PTPRT: variants seen among roughly 807,000 people sequenced by gnomAD.
PTPRT encodes receptor-type tyrosine-protein phosphatase T.
In PTPRT, 56 loss-of-function variants were observed where a neutral mutation model predicts 176.8. The observed-to-expected ratio is 0.32, with a 90% CI of 0.26 to 0.40. The LOEUF (loss-of-function observed/expected upper bound fraction) is 0.40, where lower values mean the gene tolerates loss of function less well. PTPRT is among the 10% of genes least tolerant of loss of function. The pLI, the probability that PTPRT is intolerant of heterozygous loss-of-function variation, is 1.00. For synonymous variants in PTPRT, 783 were observed against 739.0 expected (o/e 1.06, Z -0.96); for missense variants, 1,540 against 1,908.2 (o/e 0.81, Z 3.60).
At chr20:42,817,616 G>A (rs2077812001) in intron 2 of PTPRT, among the ~76,000 whole-genome samples, 1 of 152,218 alleles carries the variant, frequency 6.6e-6, no homozygotes, top group Non-Finnish European at 1.5e-5. Flanking sequence ...CTAATCCATT[G>A]TTGCGGAAGA....
chr20:42,821,638 A>C (rs1265205707), intron 2 of PTPRT, among the ~76,000 whole-genome samples: 1 of 152,184 alleles, frequency 6.6e-6, no homozygotes, highest in Non-Finnish European at 1.5e-5. Context: ...TTTGCAGACA[A>C]CATGATTTTA....
At chr20:42,609,496 T>C (rs930148432) in intron 7 of PTPRT, among the ~76,000 whole-genome samples, 40 of 152,338 alleles carry the variant, frequency 2.6e-4, no homozygotes, top group African/African-American at 9.4e-4. Flanking sequence ...ACACTTGTTA[T>C]GGCCAATGTC....
chr20:42,632,960 CATCT>C (rs1394512305), intron 7 of PTPRT, among the ~76,000 whole-genome samples: 4 of 152,228 alleles, frequency 2.6e-5, no homozygotes, highest in Admixed American at 2.6e-4. Context: ...ATAAATAGGA[CATCT>C]ATTTGGCAAA....
intron 22 of PTPRT, among the ~76,000 whole-genome samples, chr20:42,114,293 G>A (rs1038748241): frequency 1.3e-5 from 2 of 152,080 alleles, no homozygotes; most frequent in Admixed American, 1.3e-4. Flanking sequence ...TGTAAAATGG[G>A]GATAATAATA....
intron 9 of PTPRT, among the ~76,000 whole-genome samples, chr20:42,440,683 T>G (rs2059307037): frequency 2.6e-5 from 4 of 152,092 alleles, no homozygotes; most frequent in Admixed American, 2.6e-4. Context: ...TTCACCGTGT[T>G]AGCCAGGATG....
intron 16 of PTPRT, among the ~76,000 whole-genome samples, chr20:42,191,360 GTTAA>G (rs549908336): frequency 2.1e-4 from 32 of 152,260 alleles, no homozygotes; most frequent in South Asian, 2.1e-3. Flanking sequence ...ATATTTAGAG[GTTAA>G]TTAAAACATG....
chr20:43,048,883 G>A (rs375757588), intron 1 of PTPRT, among the ~76,000 whole-genome samples: 7 of 152,100 alleles, frequency 4.6e-5, no homozygotes, highest in African/African-American at 1.4e-4. Context: ...TGACCCTCAC[G>A]AAGACACCTG....
At chr20:42,633,046 A>G (rs1391368844) in intron 7 of PTPRT, among the ~76,000 whole-genome samples, 1 of 152,194 alleles carries the variant, frequency 6.6e-6, no homozygotes, top group Non-Finnish European at 1.5e-5. Context: ...TGATTCCAAT[A>G]TCTATCTTCA....
At chr20:43,025,560 G>T (rs980440195) in intron 1 of PTPRT, among the ~76,000 whole-genome samples, 2 of 152,130 alleles carry the variant, frequency 1.3e-5, no homozygotes, top group Non-Finnish European at 2.9e-5. Flanking sequence ...ATCACTCAGG[G>T]TTCTGTAGCC....
intron 7 of PTPRT, among the ~76,000 whole-genome samples, chr20:42,635,491 G>C (rs2074575521): frequency 6.6e-6 from 1 of 151,994 alleles, no homozygotes; most frequent in South Asian, 2.1e-4. Context: ...CATTTAAGAG[G>C]CTTTAACATC....
chr20:42,706,858 T>C (rs562711286), intron 6 of PTPRT, among the ~76,000 whole-genome samples: 5 of 152,344 alleles, frequency 3.3e-5, no homozygotes, highest in South Asian at 4.1e-4. Context: ...AATAGGGTTG[T>C]TGCAGATGTA....
intron 9 of PTPRT, among the ~76,000 whole-genome samples, chr20:42,417,066 A>C (rs1252720526): frequency 6.6e-6 from 1 of 152,190 alleles, no homozygotes; most frequent in Admixed American, 6.5e-5. Flanking sequence ...TAGAAGCTGG[A>C]GAGGGAGAAA....
At chr20:43,053,715 G>A (rs1440255120) in intron 1 of PTPRT, among the ~76,000 whole-genome samples, 3 of 152,090 alleles carry the variant, frequency 2.0e-5, no homozygotes, top group African/African-American at 4.8e-5. Context: ...CCACCCTGGC[G>A]ATTGCTCTCC....
chr20:42,326,447 A>T (rs2057883239), intron 11 of PTPRT, among the ~76,000 whole-genome samples: 1 of 152,246 alleles, frequency 6.6e-6, no homozygotes, highest in Non-Finnish European at 1.5e-5. Flanking sequence ...AAGCAAATCA[A>T]CTGAAAGACT....
At chr20:43,023,332 T>A (rs1416317583) in intron 1 of PTPRT, among the ~76,000 whole-genome samples, 1 of 152,234 alleles carries the variant, frequency 6.6e-6, no homozygotes. Flanking sequence ...ATTTGTCAAC[T>A]GCATGCTCAT....
intron 7 of PTPRT, among the ~76,000 whole-genome samples, chr20:42,659,801 C>T (rs1416386975): frequency 6.6e-6 from 1 of 152,112 alleles, no homozygotes; most frequent in Non-Finnish European, 1.5e-5. Context: ...GCTTAACCTT[C>T]AAATAAAAAA....
intron 7 of PTPRT, among the ~76,000 whole-genome samples, chr20:42,611,469 G>A (rs2073974930): frequency 6.6e-6 from 1 of 152,206 alleles, no homozygotes; most frequent in African/African-American, 2.4e-5. Flanking sequence ...GAGGCTCCAA[G>A]AGGTTGAGCC....
chr20:42,988,821 G>T (rs999544658), intron 1 of PTPRT, among the ~76,000 whole-genome samples: 1 of 152,140 alleles, frequency 6.6e-6, no homozygotes, highest in Non-Finnish European at 1.5e-5. Flanking sequence ...GCAACCATTC[G>T]ACGAGGTGAC....
At chr20:42,932,265 T>C (rs1979904807) in intron 1 of PTPRT, among the ~76,000 whole-genome samples, 2 of 152,238 alleles carry the variant, frequency 1.3e-5, no homozygotes, top group South Asian at 2.1e-4. Flanking sequence ...ATGAGGATCC[T>C]GGACTCAAGG....
Sources: gnomAD v4.1 joint callset for allele counts (sites outside exome capture counted in the v4.1 genomes callset) on GRCh38, gnomAD v4.1.1 for gene constraint, MANE v1.5 for transcripts, NCBI Gene and HGNC (gene_info 2026-07-23, HGNC 2026-07-21) for gene names.